CDKN1A: variants seen among roughly 807,000 people sequenced by gnomAD.
CDKN1A encodes cyclin dependent kinase inhibitor 1A, also known as cyclin-dependent kinase inhibitor 1.
A neutral mutation model predicts 14.8 loss-of-function variants in CDKN1A; 14 were observed. That is an observed-to-expected ratio of 0.94 (90% confidence interval 0.62 to 1.48). The LOEUF (loss-of-function observed/expected upper bound fraction) is 1.48, where lower values mean the gene tolerates loss of function less well. CDKN1A is among the 40% of genes most tolerant of loss of function. The probability of loss-of-function intolerance (pLI) is 0.00; values close to 1 mark genes in which losing one functional copy is unlikely to be tolerated. For missense variants in CDKN1A, 203 were observed against 231.7 expected, an observed-to-expected ratio of 0.88 and a Z score of 0.80; for synonymous variants, 92 against 93.5, an observed-to-expected ratio of 0.98 and a Z score of 0.09.
rs1762151507 is a variant in CDKN1A at position 36,684,981 on chromosome 6, A to G, written c.445+435A>G. On this transcript the variant is annotated intron_variant, in intron 2 of 2. Transcript: ENST00000244741. The surrounding 1 kb of genome is among the most constrained non-coding windows in gnomAD (Gnocchi z 6.0). ...TGGGTAGCTGGGAAGCTGGGACTAT[A>G]GTTGTACACCACTACGCCCGGTTAA... Among the ~76,000 whole-genome samples, 2 of 152,094 alleles carry G rather than the reference A, an allele frequency of 1.3e-5. No homozygotes were observed. The highest frequency in any genetic ancestry group is 4.1e-4 in the South Asian group (2 of 4,830).
At chr6:36,681,385 CTT>C (rs1562038391) in intron 1 of CDKN1A, among the ~76,000 whole-genome samples, 65 of 76,114 alleles carry the variant, frequency 8.5e-4, no homozygotes, top group Middle Eastern at 5.9e-3. Flanking sequence ...TTCTTTCTTT[CTT>C]TCTTTCTTTC....
At chr6:36,681,816 A>C (rs2376620) in intron 1 of CDKN1A, among the ~76,000 whole-genome samples, 2 of 151,572 alleles carry the variant, frequency 1.3e-5, no homozygotes, top group African/African-American at 2.4e-5. Flanking sequence ...GGATGGTCTC[A>C]ATCTCCTGAC....
Position 36,684,440 on chromosome 6 carries a change from G to C in CDKN1A, c.339G>C (p.Leu113=), listed in dbSNP as rs2150314176. 1 of 1,614,060 alleles carries C rather than the reference G, an allele frequency of 6.2e-7. No homozygotes were observed. Among genetic ancestry groups the C allele is most frequent in the Non-Finnish European group, 8.5e-7 (1 of 1,179,990 alleles). ...QGTAEEDHVD[L]SLSCTLVPRS... Reference sequence around the variant, plus strand: ...CAGCAGAGGAAGACCATGTGGACCTGTCACTGTCTTGTACCCTTGTGCCTC... The same window carrying C: ...CAGCAGAGGAAGACCATGTGGACCTCTCACTGTCTTGTACCCTTGTGCCTC... The change falls in exon 2 of 3, where the codon CTG becomes CTC. Residue 113 remains leucine (L), a synonymous_variant. Transcript: ENST00000244741. This position sits in a 1 kb window ranked among gnomAD's most constrained non-coding sequence, Gnocchi z 6.0.
Position 36,684,197 on chromosome 6 carries a change from C to T in CDKN1A, c.96C>T (p.Arg32=), listed in dbSNP as rs1478717705. Residue 32 remains arginine (R), a synonymous_variant, in exon 2 of 3, where the codon CGC becomes CGT. Coordinates refer to ENST00000244741, the MANE Select transcript of CDKN1A (RefSeq NM_000389.5). This position sits in a 1 kb window ranked among gnomAD's most constrained non-coding sequence, Gnocchi z 6.0. ...CAGTGGACAGCGAGCAGCTGAGCCG[C>T]GACTGTGATGCGCTAATGGCGGGCT... is the stretch of plus-strand genomic sequence containing the variant. The part of the protein sequence containing the change: ...FGPVDSEQLS[R]DCDALMAGCI... The T allele has an allele frequency of 2.5e-6, 4 of 1,611,834 alleles. No individual in the cohort carries two copies. The highest frequency in any genetic ancestry group is 1.1e-5 in the South Asian group (1 of 91,094).
At chr6:36,677,090 C>T (rs1374529084), upstream of CDKN1A, among the ~76,000 whole-genome samples, 2 of 152,172 alleles carry the variant, frequency 1.3e-5, no homozygotes, top group Non-Finnish European at 2.9e-5. Flanking sequence ...GGACATTTGA[C>T]AACCAGCCCT....
chr6:36,678,606 G>A (rs1363628328), upstream of CDKN1A: 1 of 950,790 alleles, frequency 1.1e-6, no homozygotes, highest in African/African-American at 1.8e-5. This position sits in a 1 kb window ranked among gnomAD's most constrained non-coding sequence, Gnocchi z 5.7. Flanking sequence ...CTGGGCCCCG[G>A]GGAGGGCGGT....
chr6:36,682,980 A>C (rs1165977276), intron 1 of CDKN1A, among the ~76,000 whole-genome samples: 2 of 151,726 alleles, frequency 1.3e-5, no homozygotes, highest in African/African-American at 4.8e-5. Flanking sequence ...GCCCCTCCTT[A>C]CCCCTAGGCC....
intron 2 of CDKN1A, among the ~76,000 whole-genome samples, chr6:36,685,441 T>G (rs1431874600): frequency 6.6e-6 from 1 of 152,222 alleles, no homozygotes; most frequent in African/African-American, 2.4e-5. Context: ...GTTCATTTTA[T>G]TTGATTGTAG....
chr6:36,686,652 C>T lies in CDKN1A; in HGVS notation c.*852C>T, dbSNP rs980065929. The T allele has an allele frequency of 8.6e-6, 2 of 233,854 alleles. No individual in the cohort carries two copies. Among genetic ancestry groups the T allele is most frequent in the Non-Finnish European group, 1.7e-5 (2 of 118,276 alleles). The allele number at this position is 233,854 out of a possible 1,614,324, so 14.5% of individuals were successfully genotyped here. On this transcript the variant is annotated 3_prime_UTR_variant, in exon 3 of 3. Transcript: ENST00000244741. The surrounding 1 kb of genome is among the most constrained non-coding windows in gnomAD (Gnocchi z 4.9). ...CTTTCCCTTCAGTACCCTCTCAGCTCCAGGTGGCTCTGAGGTGCCTGTCCC... is the reference window on the plus strand; with the variant it reads ...CTTTCCCTTCAGTACCCTCTCAGCTTCAGGTGGCTCTGAGGTGCCTGTCCC...
At chr6:36,679,288 C>T (rs1048432844) in intron 1 of CDKN1A, among the ~76,000 whole-genome samples, 1 of 152,222 alleles carries the variant, frequency 6.6e-6, no homozygotes, top group Non-Finnish European at 1.5e-5. Flanking sequence ...GCTCTGGGAT[C>T]CAATCTGCGC....
chr6:36,678,550 G>A, upstream of CDKN1A: 1 of 565,982 alleles, frequency 1.8e-6, no homozygotes, highest in Non-Finnish European at 2.2e-6. This position sits in a 1 kb window ranked among gnomAD's most constrained non-coding sequence, Gnocchi z 5.7. Flanking sequence ...CTGGCCTGCT[G>A]GAACTCGGCC....
At chr6:36,681,361 T>TTTTCTTTCTTTTCTTTC (rs1761975604) in intron 1 of CDKN1A, among the ~76,000 whole-genome samples, 1 of 55,878 alleles carries the variant, frequency 1.8e-5, no homozygotes, top group African/African-American at 7.0e-5. Flanking sequence ...TTTTTCTTTC[T>TTTTCTTTCTTTTCTTTC]TTTCTTTCTT....
Position 36,686,143 on chromosome 6 carries a change from C to T in CDKN1A, c.*343C>T, listed in dbSNP as rs1046926038. The T allele has an allele frequency of 1.3e-5, 6 of 461,838 alleles. No individual in the cohort carries two copies. The highest frequency in any genetic ancestry group is 3.6e-5 in the Admixed American group (1 of 27,898). 28.6% of individuals were successfully genotyped at this position (461,838 alleles called of 1,614,324 possible). A position where few individuals can be genotyped will look rare whatever the true frequency, so the allele number is the denominator to read the frequency against. On this transcript the variant is annotated 3_prime_UTR_variant, in exon 3 of 3. Coordinates refer to ENST00000244741, the MANE Select transcript of CDKN1A (RefSeq NM_000389.5). The surrounding 1 kb of genome is among the most constrained non-coding windows in gnomAD (Gnocchi z 4.9). The stretch of plus-strand genomic sequence containing the variant: ...AGCTACTTCCTCCTCCCCACTTGTC[C>T]GCTGGGTGGTACCCTCTGGAGGGGT...
intron 1 of CDKN1A, among the ~76,000 whole-genome samples, chr6:36,679,492 C>T (rs748187332): frequency 2.0e-4 from 31 of 152,240 alleles, no homozygotes; most frequent in Non-Finnish European, 4.1e-4. Flanking sequence ...CAGAACCCCG[C>T]CCGGGATGGG....
Position 36,686,618 on chromosome 6 carries a change from C to T in CDKN1A, c.*818C>T. The T allele has an allele frequency of 4.3e-6, 1 of 234,090 alleles. No homozygotes were observed. The allele number at this position is 234,090 out of a possible 1,614,324, so 14.5% of individuals were successfully genotyped here. ...CAATTCCCCTCTGCTGCTGTCCCTC[C>T]CCCTTGTCCTTTCCCTTCAGTACCC... On this transcript the variant is annotated 3_prime_UTR_variant, in exon 3 of 3. Transcript: ENST00000244741. The surrounding 1 kb of genome is among the most constrained non-coding windows in gnomAD (Gnocchi z 4.9).
At chr6:36,681,986 T>G (rs1212737047) in intron 1 of CDKN1A, among the ~76,000 whole-genome samples, 1 of 152,068 alleles carries the variant, frequency 6.6e-6, no homozygotes, top group African/African-American at 2.4e-5. Flanking sequence ...CTCAAATGAT[T>G]CTCCCACCTC....
chr6:36,685,542 A>G (rs2150315193), intron 2 of CDKN1A, among the ~76,000 whole-genome samples: 1 of 152,316 alleles, frequency 6.6e-6, no homozygotes, highest in South Asian at 2.1e-4. Context: ...GCGGTGATGG[A>G]TAAAATCACA....
In CDKN1A at chr6:36,684,658, A is replaced by G. The variant is rs1426833740; in HGVS notation, c.445+112A>G. On this transcript the variant is annotated intron_variant, in intron 2 of 2. Coordinates refer to ENST00000244741, the MANE Select transcript of CDKN1A (RefSeq NM_000389.5). The surrounding 1 kb of genome is among the most constrained non-coding windows in gnomAD (Gnocchi z 6.0). ...CAGCATGCTCCAGGTAGAAGGAAACAGGCCCAGAGAGGGGAAGCAACCTCC... is the reference window on the plus strand; with the variant it reads ...CAGCATGCTCCAGGTAGAAGGAAACGGGCCCAGAGAGGGGAAGCAACCTCC... 3.7e-6 allele frequency: 4 copies of G among 1,068,388 alleles called. No individual in the cohort carries two copies. The highest frequency in any genetic ancestry group is 3.1e-5 in the African/African-American group (2 of 63,992). The allele number at this position is 1,068,388 out of a possible 1,614,324, so 66.2% of individuals were successfully genotyped here.
chr6:36,681,332 CTT>C (rs766396322), intron 1 of CDKN1A, among the ~76,000 whole-genome samples: 2,002 of 61,020 alleles, frequency 0.033, 35 homozygotes, highest in African/African-American at 0.052. Context: ...TTCTTTCTTT[CTT>C]TTTCTTTCTT....
Sources: gnomAD v4.1 joint callset for allele counts (sites outside exome capture counted in the v4.1 genomes callset) on GRCh38, gnomAD v4.1.1 for gene constraint, Gnocchi (gnomAD v3.1) non-coding constraint, MANE v1.5 for transcripts, NCBI Gene and HGNC (gene_info 2026-07-23, HGNC 2026-07-21) for gene names.